ICAM2: variants seen among roughly 807,000 people sequenced by gnomAD.
ICAM2 encodes the protein intercellular adhesion molecule 2.
Under a neutral mutation model 19.1 loss-of-function variants are expected in ICAM2, and 14 were observed. The ratio of observed to expected loss-of-function variants is 0.73; its 90% confidence interval spans 0.48 to 1.15. The LOEUF is 1.15. ICAM2 is among the 50% of genes most tolerant of loss of function. The probability of loss-of-function intolerance (pLI) is 0.00; values close to 1 mark genes in which losing one functional copy is unlikely to be tolerated. For synonymous variants in ICAM2, 153 were observed against 152.7 expected (o/e 1.00, Z -0.01); for missense variants, 311 against 355.4 (o/e 0.88, Z 1.00).
chr17:64,004,045 G>A, intron 3 of ICAM2, 81 bp from the exon 4 acceptor site: 1 of 1,082,400 alleles, frequency 9.2e-7, no homozygotes, highest in Non-Finnish European at 1.3e-6. Flanking sequence ...GCCATCTCCT[G>A]TCACCATGGT....
chr17:64,015,702 T>C (rs1397130456), intron 1 of ICAM2, among the ~76,000 whole-genome samples: 3 of 152,102 alleles, frequency 2.0e-5, no homozygotes, highest in Non-Finnish European at 2.9e-5. Flanking sequence ...ATTACGCCAC[T>C]GTACTCTAGC....
intron 4 of ICAM2, 31 bp downstream of exon 4, chr17:64,003,613 C>T (rs1322085966): frequency 6.3e-7 from 1 of 1,591,774 alleles, no homozygotes; most frequent in African/African-American, 1.3e-5. Context: ...TGACTTATCA[C>T]TCCCAACTCC....
chr17:64,015,096 C>A (rs1911671878), intron 1 of ICAM2, among the ~76,000 whole-genome samples: 1 of 152,010 alleles, frequency 6.6e-6, no homozygotes, highest in African/African-American at 2.4e-5. Flanking sequence ...GAAAGTGAAA[C>A]AGTAGTTGCC....
chr17:64,004,782 C>G, intron 3 of ICAM2: 1 of 439,366 alleles, frequency 2.3e-6, no homozygotes. Context: ...CTGATGGTGA[C>G]CCCACTACTT....
In ICAM2 at chr17:64,003,848, G is replaced by A; in HGVS notation, c.445C>T (p.Leu149=). 1 of 1,614,262 alleles carries A rather than the reference G, an allele frequency of 6.2e-7. No homozygotes were observed. Among genetic ancestry groups the A allele is most frequent in the Non-Finnish European group, 8.5e-7 (1 of 1,180,052 alleles). The change falls in exon 4 of 5, where the codon CTG becomes TTG. Residue 149 remains leucine (L), a synonymous_variant. Coordinates refer to ENST00000579788, the MANE Select transcript of ICAM2 (RefSeq NM_001099789.2). ...VEPLDSLTLF[L]FRGNETLHYE... is the part of the protein sequence containing the mutation. ...TGCAGAGTCTCATTGCCACGGAACA[G>A]GAAGAGGGTGAGGCTGTCCAGGGGC...
Position 64,014,663 on chromosome 17 carries a change from AAG to A in ICAM2, c.-45+5858_-45+5859del, listed in dbSNP as rs781248281. Among the ~76,000 whole-genome samples the A allele has an allele frequency of 7.5e-3, 1,077 of 144,526 alleles. 20 individuals are homozygous for A. The highest frequency in any genetic ancestry group is 0.026 in the African/African-American group (1,010 of 38,844). The allele number at this position is 144,526 out of a possible 152,430, so 94.8% of individuals were successfully genotyped here. On this transcript the variant is annotated intron_variant, in intron 1 of 4. Transcript: ENST00000579788. ...AGAGAGAGAGAGAAAGAAAGGAAGA[AAG>A]AGAGAAAGAAAGAAAGGAAGGAAGG...
intron 1 of ICAM2, among the ~76,000 whole-genome samples, chr17:64,014,330 G>GGAAGGAAAGAAAGAAAGAAA (rs1219763465): frequency 6.4e-5 from 2 of 31,154 alleles, no homozygotes; most frequent in African/African-American, 2.2e-4. Context: ...AAGGAAGGAA[G>GGAAGGAAAGAAAGAAAGAAA]GAAAGAAAGA....
intron 1 of ICAM2, among the ~76,000 whole-genome samples, chr17:64,019,016 G>T (rs761110181): frequency 1.1e-4 from 16 of 151,856 alleles, no homozygotes; most frequent in Non-Finnish European, 2.4e-4. Context: ...CACTGCTCCC[G>T]GCCTTACTTC....
chr17:64,006,134 T>A (rs1368536579), intron 2 of ICAM2: 1 of 155,068 alleles, frequency 6.4e-6, no homozygotes, highest in African/African-American at 2.4e-5. Flanking sequence ...AGCCCAGGAG[T>A]TGGAGGCTGC....
chr17:64,019,502 G>A (rs948790213), intron 1 of ICAM2, among the ~76,000 whole-genome samples: 1 of 152,070 alleles, frequency 6.6e-6, no homozygotes, highest in Non-Finnish European at 1.5e-5. Context: ...CCTGTGGGTG[G>A]GAGGCAAGTA....
intron 1 of ICAM2, among the ~76,000 whole-genome samples, chr17:64,010,598 A>C (rs1911412409): frequency 6.6e-6 from 1 of 152,132 alleles, no homozygotes; most frequent in Admixed American, 6.5e-5. Flanking sequence ...TCAAGAACCA[A>C]AGTTAACAAA....
At chr17:64,003,453 T>G in intron 4 of ICAM2, 191 bp downstream of exon 4, 3 of 611,278 alleles carry the variant, frequency 4.9e-6, no homozygotes, top group Non-Finnish European at 8.7e-6. Context: ...TCTCCCGACC[T>G]CTGGAGCAGT....
In ICAM2 at chr17:64,003,698, G is replaced by A. The variant is rs760476250; in HGVS notation, c.595C>T (p.Arg199Cys). The A allele has an allele frequency of 3.1e-6, 5 of 1,614,058 alleles. No homozygotes were observed. Among genetic ancestry groups the A allele is most frequent in the African/African-American group, 2.7e-5 (2 of 74,930 alleles). ...TGTTTGTGAAAGATGTTGCCACCGC[G>A]AGACATCAAGTCCAGCACAGCCAGG... is the stretch of plus-strand genomic sequence containing the variant. The part of the protein sequence containing the change: ...SCLAVLDLMS[R>C]GGNIFHKHSA... Residue 199 changes from arginine to cysteine, a missense_variant, in exon 4 of 5, where the codon CGC (arginine) becomes TGC (cysteine). Coordinates refer to ENST00000579788, the MANE Select transcript of ICAM2 (RefSeq NM_001099789.2).
chr17:64,005,106 C>T lies in ICAM2; in HGVS notation c.328+1G>A, dbSNP rs145919199. 1.1e-5 allele frequency: 17 copies of T among 1,614,084 alleles called. No homozygotes were observed. Among genetic ancestry groups the T allele is most frequent in the East Asian group, 4.5e-5 (2 of 44,864 alleles). On this transcript the variant is annotated splice_donor_variant, in intron 3 of 4. Coordinates refer to ENST00000579788, the MANE Select transcript of ICAM2 (RefSeq NM_001099789.2). LOFTEE classifies it high-confidence loss of function. ...GAGGGCCCCGCAGCACAGCCACTCACGGTACACGCTGACGTTGGAATTCAT... is the reference window on the plus strand; with the variant it reads ...GAGGGCCCCGCAGCACAGCCACTCATGGTACACGCTGACGTTGGAATTCAT...
At chr17:64,018,613 G>A (rs769850299) in intron 1 of ICAM2, among the ~76,000 whole-genome samples, 7 of 151,282 alleles carry the variant, frequency 4.6e-5, no homozygotes, top group Non-Finnish European at 8.8e-5. Flanking sequence ...TCTTGTAAAC[G>A]GAATATTCTT....
At chr17:64,004,892 C>G (rs1232312848) in intron 3 of ICAM2, 1 of 612,802 alleles carries the variant, frequency 1.6e-6, no homozygotes, top group Non-Finnish European at 2.9e-6. Context: ...AAGCAAGACT[C>G]AAAATGTGGG....
intron 1 of ICAM2, among the ~76,000 whole-genome samples, chr17:64,009,884 G>A (rs1051108711): frequency 1.1e-4 from 17 of 152,150 alleles, no homozygotes; most frequent in Admixed American, 1.1e-3. Context: ...CATGCAGGCT[G>A]GTCTGAAGGA....
intron 1 of ICAM2, among the ~76,000 whole-genome samples, chr17:64,011,055 C>T (rs559061141): frequency 1.5e-4 from 23 of 152,152 alleles, no homozygotes; most frequent in African/African-American, 5.3e-4. Context: ...CACAGACCAG[C>T]CCAATGTCTC....
chr17:64,014,702 GAAGGAAGGAAGGAAGGAAGGAAGAAAGA>G (rs200971409), intron 1 of ICAM2, among the ~76,000 whole-genome samples: 20,329 of 68,370 alleles, frequency 0.3, 1,855 homozygotes, highest in East Asian at 0.44. Flanking sequence ...AGGAAGGAAG[GAAGGAAGGAAGGAAGGAAGGAAGAAAGA>G]AAGAAAGAAA....
Sources: allele counts gnomAD v4.1 joint callset (sites outside exome capture counted in the v4.1 genomes callset), GRCh38; gene constraint gnomAD v4.1.1; transcripts MANE v1.5; gene names NCBI Gene and HGNC (gene_info 2026-07-23, HGNC 2026-07-21).